HERC2: variants seen among roughly 807,000 people sequenced by gnomAD.
HERC2 encodes the protein E3 ubiquitin-protein ligase HERC2.
A neutral mutation model predicts 537.7 loss-of-function variants in HERC2; 102 were observed. The ratio of observed to expected loss-of-function variants is 0.19; its 90% CI spans 0.16 to 0.22. The LOEUF is 0.22. Ranked by LOEUF, HERC2 falls within the 10% of genes least tolerant of loss-of-function variation. The pLI is 1.00. For synonymous variants in HERC2, 2,224 were observed against 2,466.2 expected, an observed-to-expected ratio of 0.90 and a Z score of 2.91; for missense variants, 4,236 against 6,198.2, an observed-to-expected ratio of 0.68 and a Z score of 10.63.
At position 28,268,368 on chromosome 15, in the gene HERC2, T is replaced by C. The variant is rs563190895; in HGVS notation, c.1598+97A>G. 341 of 1,194,382 alleles carry C rather than the reference T, an allele frequency of 2.9e-4. No homozygotes were observed. The highest frequency in any genetic ancestry group is 3.7e-4 in the Non-Finnish European group (309 of 836,104). 74.0% of individuals were successfully genotyped at this position (1,194,382 alleles called of 1,614,324 possible). A position where few individuals can be genotyped will look rare whatever the true frequency, so the allele number is the denominator to read the frequency against. ...ATCCCAGCGCTACATGTCAGGGCAATTGGAAAACACCTGGACACACTTCTG... is the reference window on the plus strand; with the variant it reads ...ATCCCAGCGCTACATGTCAGGGCAACTGGAAAACACCTGGACACACTTCTG... On this transcript the variant is annotated intron_variant, in intron 12 of 92. Coordinates refer to ENST00000261609, the MANE Select transcript of HERC2 (RefSeq NM_004667.6). The surrounding 1 kb of genome is among the most constrained non-coding windows in gnomAD (Gnocchi z 4.7).
intron 5 of HERC2, among the ~76,000 whole-genome samples, chr15:28,277,317 T>C (rs999800058): frequency 6.6e-6 from 1 of 152,138 alleles, no homozygotes; most frequent in African/African-American, 2.4e-5. Context: ...TGGGAAAATC[T>C]GAATAAGATA....
chr15:28,147,250 CA>C (rs1200158872), intron 70 of HERC2, among the ~76,000 whole-genome samples: 2 of 152,106 alleles, frequency 1.3e-5, no homozygotes, highest in Admixed American at 1.3e-4. Context: ...AAAAGGGTCA[CA>C]AGATTTTCGT....
Position 28,285,546 on chromosome 15 carries a change from T to C in HERC2, c.323-5259A>G, listed in dbSNP as rs555044066. On this transcript the variant is annotated intron_variant, in intron 4 of 92. Transcript: ENST00000261609. ...CAAAATGCATGGGAAAGAGCTACAGTGGGTGATGAGAAATTTACAGCACTA... is the reference window on the plus strand; with the variant it reads ...CAAAATGCATGGGAAAGAGCTACAGCGGGTGATGAGAAATTTACAGCACTA... Among the ~76,000 whole-genome samples, 5 of 151,672 alleles carry C rather than the reference T, an allele frequency of 3.3e-5. No individual in the cohort carries two copies. In the East Asian group the frequency reaches 9.7e-4, roughly 29 times the overall value.
chr15:28,240,534 A>T (rs2140733093), intron 23 of HERC2, among the ~76,000 whole-genome samples: 1 of 152,374 alleles, frequency 6.6e-6, no homozygotes, highest in East Asian at 1.9e-4. Context: ...TCATTTTACT[A>T]TTTTTCTACT....
chr15:28,301,760 TATA>T (rs1458061486), intron 2 of HERC2, among the ~76,000 whole-genome samples: 2 of 119,554 alleles, frequency 1.7e-5, no homozygotes, highest in Admixed American at 1.6e-4. Context: ...TATATATATA[TATA>T]TATATATATA....
chr15:28,303,687 A>G (rs1168596999), intron 2 of HERC2, among the ~76,000 whole-genome samples: 1 of 152,070 alleles, frequency 6.6e-6, no homozygotes, highest in Non-Finnish European at 1.5e-5. Context: ...ATGAACACGG[A>G]GTATCTTTTC....
chr15:28,217,766 G>C (rs773054260), intron 38 of HERC2, among the ~76,000 whole-genome samples: 9 of 152,128 alleles, frequency 5.9e-5, no homozygotes, highest in Non-Finnish European at 1.2e-4. Flanking sequence ...AGACAGAAAA[G>C]GACATGCAGA....
At chr15:28,202,077 G>A (rs1313385814) in intron 47 of HERC2, 36 bp downstream of exon 47, 12 of 1,144,572 alleles carry the variant, frequency 1.0e-5, no homozygotes, top group Middle Eastern at 2.9e-4. Flanking sequence ...GACGGACAGC[G>A]GCCCAGGTGC....
rs752007320 is a variant in HERC2 at position 28,215,662 on chromosome 15, C to T, written c.6169G>A (p.Glu2057Lys). ...GTGGCAGTGAAGGGTGCGTGCCCTTCCACGACCTTCATGAGCAGCGTGATC... is the reference window on the plus strand; with the variant it reads ...GTGGCAGTGAAGGGTGCGTGCCCTTTCACGACCTTCATGAGCAGCGTGATC... ...QWITLLMKVV[E>K]GHAPFTATSL... Residue 2057 changes from glutamate to lysine, a missense_variant, in exon 39 of 93, where the codon GAA (glutamate) becomes AAA (lysine). Coordinates refer to ENST00000261609, the MANE Select transcript of HERC2 (RefSeq NM_004667.6). 1.6e-5 allele frequency: 25 copies of T among 1,611,826 alleles called. No homozygotes were observed. In the South Asian group the frequency reaches 2.5e-4, roughly 16 times the overall value.
In HERC2 at chr15:28,201,522, C is replaced by A. The variant is rs755996017; in HGVS notation, c.7650G>T (p.Thr2550=). Reference sequence around the variant, plus strand: ...TCAAGAAATCAGCTCGTTTTTTGTACGTCTGGCTCTCCGTCACAACAGCAC... The same window carrying A: ...TCAAGAAATCAGCTCGTTTTTTGTAAGTCTGGCTCTCCGTCACAACAGCAC... ...STGAVVTESQ[T]YKKRADFLSN... is the part of the protein sequence containing the mutation. Residue 2550 remains threonine, a synonymous_variant, in exon 48 of 93, where the codon ACG becomes ACT. Transcript: ENST00000261609. 1.2e-6 allele frequency: 2 copies of A among 1,613,260 alleles called. No individual in the cohort carries two copies. Among genetic ancestry groups the A allele is most frequent in the Non-Finnish European group, 8.5e-7 (1 of 1,179,244 alleles).
intron 35 of HERC2, among the ~76,000 whole-genome samples, chr15:28,223,306 C>A (rs2140518634): frequency 6.6e-6 from 1 of 152,252 alleles, no homozygotes; most frequent in Non-Finnish European, 1.5e-5. Flanking sequence ...TGGTAACTCC[C>A]TTGATTTTAG....
intron 44 of HERC2, among the ~76,000 whole-genome samples, chr15:28,209,543 C>T (rs1898891626): frequency 6.6e-6 from 1 of 152,074 alleles, no homozygotes; most frequent in Non-Finnish European, 1.5e-5. Context: ...TGGAGTTTCA[C>T]CGTGTTAGCC....
chr15:28,233,327 C>T lies in HERC2; in HGVS notation c.4494G>A (p.Gln1498=). 6.7e-7 allele frequency: 1 copy of T among 1,485,966 alleles called. No homozygotes were observed. Among genetic ancestry groups the T allele is most frequent in the Non-Finnish European group, 9.4e-7 (1 of 1,069,364 alleles). The allele number at this position is 1,485,966 out of a possible 1,614,324, so 92.0% of individuals were successfully genotyped here. A position where few individuals can be genotyped will look rare whatever the true frequency, so the allele number is the denominator to read the frequency against. Residue 1498 remains glutamine (Q), a synonymous_variant, in exon 30 of 93, where the codon CAG becomes CAA. Transcript: ENST00000261609. Reference sequence around the variant, plus strand: ...CGCAGACCTCCTTGTAAGAACGGCCCTGTTCTTGATGAGTCTGCAAAGTTA... The same window carrying T: ...CGCAGACCTCCTTGTAAGAACGGCCTTGTTCTTGATGAGTCTGCAAAGTTA... The part of the protein sequence containing the change: ...KCSLIKTHQE[Q]GRSYKEVCAP...
intron 7 of HERC2, among the ~76,000 whole-genome samples, chr15:28,273,347 T>C (rs909501447): frequency 1.3e-5 from 2 of 152,244 alleles, no homozygotes; most frequent in African/African-American, 4.8e-5. Context: ...TATAAGACTA[T>C]ACCAGTATCA....
intron 3 of HERC2, among the ~76,000 whole-genome samples, chr15:28,295,308 T>G (rs1296274453): frequency 2.4e-4 from 19 of 79,678 alleles, no homozygotes; most frequent in East Asian, 5.2e-4. Flanking sequence ...TACATGTGTG[T>G]GGGGGGGGGG....
In HERC2 at chr15:28,215,693, C is replaced by T. The variant is rs771998576; in HGVS notation, c.6138G>A (p.Pro2046=). The change falls in exon 39 of 93, where the codon CCG becomes CCA. Residue 2046 remains proline, a synonymous_variant. Transcript: ENST00000261609. ...TPQVCGALSS[P]QWITLLMKVV... ...CCTTCATGAGCAGCGTGATCCACTG[C>T]GGGGAGCTGAGGGCGCCGCATACCT... is the stretch of plus-strand genomic sequence containing the variant. The T allele has an allele frequency of 8.1e-6, 13 of 1,611,848 alleles. No homozygotes were observed. Among genetic ancestry groups the T allele is most frequent in the South Asian group, 7.7e-5 (7 of 90,980 alleles).
intron 67 of HERC2, 97 bp from the exon 68 acceptor site, chr15:28,167,924 C>A (rs1349722286): frequency 7.6e-7 from 1 of 1,321,726 alleles, no homozygotes; most frequent in African/African-American, 1.5e-5. Flanking sequence ...CCTAAAACTA[C>A]TTGGGCTGTT....
At chr15:28,116,222 CT>C (rs11365574) in intron 88 of HERC2, among the ~76,000 whole-genome samples, 101,717 of 126,488 alleles carry the variant, frequency 0.8, 43,395 homozygotes, top group East Asian at 0.96. Flanking sequence ...TTTTCTTTTT[CT>C]TTTTTTTTTT....
intron 2 of HERC2, among the ~76,000 whole-genome samples, chr15:28,310,063 G>C (rs2076898257): frequency 1.3e-5 from 2 of 152,150 alleles, no homozygotes; most frequent in Non-Finnish European, 2.9e-5. Flanking sequence ...CCAGCACCTT[G>C]GAAGACTGAG....
Sources: gnomAD v4.1 joint callset for allele counts (sites outside exome capture counted in the v4.1 genomes callset) on GRCh38, gnomAD v4.1.1 for gene constraint, Gnocchi (gnomAD v3.1) non-coding constraint, MANE v1.5 for transcripts, NCBI Gene and HGNC (gene_info 2026-07-23, HGNC 2026-07-21) for gene names.